Variants in GNG2 observed in about 807,000 individuals in gnomAD.
GNG2 encodes the protein G protein subunit gamma 2, also known as guanine nucleotide-binding protein G(I)/G(S)/G(O) subunit gamma-2.
In GNG2, 5 loss-of-function variants were observed where a neutral mutation model predicts 5.5. That is an observed-to-expected ratio of 0.91 (90% CI 0.48 to 1.92). The LOEUF is 1.92. GNG2 is among the 30% of genes most tolerant of loss of function. The pLI is 0.01. For missense variants in GNG2, 55 were observed against 88.4 expected (o/e 0.62, Z 1.52); for synonymous variants, 28 against 32.0 (o/e 0.88, Z 0.42).
chr14:51,853,862 C>A (rs1402825003), intron 2 of GNG2, among the ~76,000 whole-genome samples: 1 of 151,984 alleles, frequency 6.6e-6, no homozygotes, highest in East Asian at 1.9e-4. Context: ...GATCTTGTTG[C>A]CCGTTTCCTG....
At chr14:51,965,787 A>G (rs1187915819) in intron 3 of GNG2, among the ~76,000 whole-genome samples, 2 of 152,162 alleles carry the variant, frequency 1.3e-5, no homozygotes, top group Non-Finnish European at 2.9e-5. Flanking sequence ...CTACAAAATG[A>G]TAATAATGGC....
chr14:51,866,493 C>T (rs8005426), intron 1 of GNG2, among the ~76,000 whole-genome samples: 131,275 of 152,244 alleles, frequency 0.86, 56,943 homozygotes, highest in East Asian at 1. Flanking sequence ...AATTTCCCCA[C>T]GTCTTCCTTT....
intron 2 of GNG2, among the ~76,000 whole-genome samples, chr14:51,884,438 G>A (rs1884305399): frequency 6.6e-6 from 1 of 152,188 alleles, no homozygotes; most frequent in Non-Finnish European, 1.5e-5. Context: ...TGCAACGCAG[G>A]AACTGTTTAT....
rs918336816 is a variant in GNG2 at position 51,920,356 on chromosome 14, A to G, written c.-29-30294A>G. On this transcript the variant is annotated intron_variant, in intron 2 of 3. Transcript: ENST00000556766. Reference sequence around the variant, plus strand: ...GATTATTTATAATACCTAATACAATATAATAATTATAATAATTATAATACC... The same window carrying G: ...GATTATTTATAATACCTAATACAATGTAATAATTATAATAATTATAATACC... Among the ~76,000 whole-genome samples, 4 of 150,530 alleles carry G rather than the reference A, an allele frequency of 2.7e-5. No individual in the cohort carries two copies. In the Admixed American group the frequency reaches 2.7e-4, roughly 10 times the overall value.
At chr14:51,963,948 C>A (rs1889756992) in intron 3 of GNG2, among the ~76,000 whole-genome samples, 1 of 152,136 alleles carries the variant, frequency 6.6e-6, no homozygotes, top group African/African-American at 2.4e-5. Flanking sequence ...ATTGGGTTGA[C>A]TAGTGTCCCC....
intron 3 of GNG2, among the ~76,000 whole-genome samples, chr14:51,958,145 G>C (rs1215789439): frequency 6.6e-6 from 1 of 152,220 alleles, no homozygotes; most frequent in Non-Finnish European, 1.5e-5. Context: ...CGTTGGCACA[G>C]ACTGAAAGTG....
intron 3 of GNG2, among the ~76,000 whole-genome samples, chr14:51,960,550 G>A (rs545784279): frequency 7.5e-6 from 1 of 134,020 alleles, no homozygotes; most frequent in Admixed American, 8.2e-5. Flanking sequence ...TTTATCTTGT[G>A]TTGATTTATT....
chr14:51,837,084 C>G (rs1032866372), intron 2 of GNG2, among the ~76,000 whole-genome samples: 1 of 151,914 alleles, frequency 6.6e-6, no homozygotes, highest in African/African-American at 2.4e-5. Context: ...GTCTCAAACT[C>G]CTGACCTCAG....
chr14:51,888,679 T>C (rs1884629265), intron 2 of GNG2, among the ~76,000 whole-genome samples: 1 of 152,180 alleles, frequency 6.6e-6, no homozygotes, highest in African/African-American at 2.4e-5. Flanking sequence ...ATTAACATCC[T>C]CCAGGAGTAG....
chr14:51,851,728 T>C (rs1475375617), intron 2 of GNG2, among the ~76,000 whole-genome samples: 1 of 152,224 alleles, frequency 6.6e-6, no homozygotes, highest in Non-Finnish European at 1.5e-5. Context: ...AATATGTCCA[T>C]TCTGAACACT....
intron 2 of GNG2, among the ~76,000 whole-genome samples, chr14:51,942,422 G>T (rs1003200972): frequency 6.6e-6 from 1 of 151,928 alleles, no homozygotes; most frequent in Non-Finnish European, 1.5e-5. Flanking sequence ...TATTGTCATA[G>T]CCCTAACCAA....
At chr14:51,890,050 A>G (rs193023282) in intron 2 of GNG2, among the ~76,000 whole-genome samples, 1 of 152,348 alleles carries the variant, frequency 6.6e-6, no homozygotes, top group African/African-American at 2.4e-5. Flanking sequence ...AATCCTTGGA[A>G]AGGAAAAGAA....
At chr14:51,905,699 T>C (rs1478666370) in intron 2 of GNG2, among the ~76,000 whole-genome samples, 2 of 152,116 alleles carry the variant, frequency 1.3e-5, no homozygotes, top group Non-Finnish European at 2.9e-5. Context: ...TCATCTTGAG[T>C]TGTAGTTCCC....
chr14:51,962,299 A>G (rs1454329804), intron 3 of GNG2, among the ~76,000 whole-genome samples: 2 of 152,204 alleles, frequency 1.3e-5, no homozygotes, highest in African/African-American at 2.4e-5. Context: ...TAATAGGTCT[A>G]CAATCATAAG....
At chr14:51,952,992 C>T (rs1446377761) in intron 3 of GNG2, among the ~76,000 whole-genome samples, 1 of 152,180 alleles carries the variant, frequency 6.6e-6, no homozygotes. Flanking sequence ...TTCATTCCTG[C>T]TCTCTTTTCT....
At chr14:51,928,002 G>A (rs1304480410) in intron 2 of GNG2, among the ~76,000 whole-genome samples, 2 of 149,732 alleles carry the variant, frequency 1.3e-5, no homozygotes, top group East Asian at 3.9e-4. Flanking sequence ...TCTCAATTGG[G>A]TATTTGCCTT....
At chr14:51,841,447 T>A in intron 2 of GNG2, 1 of 667,446 alleles carries the variant, frequency 1.5e-6, no homozygotes, top group African/African-American at 1.8e-5. Context: ...CTGTATGAAT[T>A]CATATAATCC....
At chr14:51,870,961 C>T (rs1566655352) in intron 1 of GNG2, among the ~76,000 whole-genome samples, 1 of 152,188 alleles carries the variant, frequency 6.6e-6, no homozygotes, top group Admixed American at 6.5e-5. Context: ...TGATGGAGTG[C>T]TTCCTACTCT....
intron 2 of GNG2, among the ~76,000 whole-genome samples, chr14:51,935,239 A>T (rs34350221): frequency 0.064 from 9,751 of 151,790 alleles, 546 homozygotes; most frequent in East Asian, 0.28. Context: ...GTTAGTCAGG[A>T]TAGTCTCGAT....
Sources: allele counts gnomAD v4.1 joint callset (sites outside exome capture counted in the v4.1 genomes callset), GRCh38; gene constraint gnomAD v4.1.1; transcripts MANE v1.5; gene names NCBI Gene and HGNC (gene_info 2026-07-23, HGNC 2026-07-21).